PTPN5: variants seen among roughly 807,000 people sequenced by gnomAD.
PTPN5 encodes tyrosine-protein phosphatase non-receptor type 5.
Under a neutral mutation model 73.9 loss-of-function variants are expected in PTPN5, and 29 were observed. The observed-to-expected ratio is 0.39, with a 90% CI of 0.29 to 0.54. The LOEUF (loss-of-function observed/expected upper bound fraction) is 0.54. Among genes scored for constraint, PTPN5 ranks in the 20% least tolerant of loss-of-function variants. PTPN5 has a pLI of 0.65. For missense variants in PTPN5, 652 were observed against 751.4 expected (o/e 0.87, Z 1.55); for synonymous variants, 267 against 304.7 (o/e 0.88, Z 1.29).
chr11:18,779,428 G>A lies in PTPN5; in HGVS notation c.-113-7357C>T, dbSNP rs368334878. On this transcript the variant is annotated intron_variant, in intron 1 of 14. Transcript: ENST00000358540. The stretch of plus-strand genomic sequence containing the variant: ...GGACCAAGAGTCAAGGTTGAAAGGA[G>A]CCTGACCTCTTGAATTCAAATTTAA... Among the ~76,000 whole-genome samples the A allele has an allele frequency of 3.3e-5, 5 of 152,134 alleles. 2 individuals carry two copies. Among genetic ancestry groups the A allele is most frequent in the African/African-American group, 1.2e-4 (5 of 41,538 alleles).
intron 1 of PTPN5, among the ~76,000 whole-genome samples, chr11:18,781,302 C>A (rs1202222148): frequency 1.7e-5 from 2 of 121,196 alleles, no homozygotes; most frequent in African/African-American, 6.1e-5. Context: ...AGCCAGAGAT[C>A]AGACTGTCTT....
chr11:18,748,593 A>AT (rs1309411848), intron 3 of PTPN5, among the ~76,000 whole-genome samples: 25 of 151,350 alleles, frequency 1.7e-4, no homozygotes, highest in African/African-American at 6.1e-4. Flanking sequence ...TCTGCACATA[A>AT]TTTTTGGGGA....
intron 2 of PTPN5, among the ~76,000 whole-genome samples, chr11:18,770,952 G>T (rs531502287): frequency 4.7e-4 from 72 of 152,050 alleles, no homozygotes; most frequent in Non-Finnish European, 9.0e-4. Context: ...GGGGATGGGG[G>T]GTGCTATTAG....
At chr11:18,765,187 A>G (rs1850586567) in intron 3 of PTPN5, among the ~76,000 whole-genome samples, 2 of 150,192 alleles carry the variant, frequency 1.3e-5, no homozygotes, top group Admixed American at 1.3e-4. Flanking sequence ...AAAATGTAAA[A>G]CTCTCCCCCC....
At chr11:18,750,108 G>A (rs144411433) in intron 3 of PTPN5, among the ~76,000 whole-genome samples, 41 of 152,278 alleles carry the variant, frequency 2.7e-4, no homozygotes, top group African/African-American at 9.6e-4. Context: ...GAGCGGAAGT[G>A]GCTTGCCCCA....
In PTPN5 at chr11:18,771,929, G is replaced by A. The variant is rs199800733; in HGVS notation, c.20+10C>T. ...CGGGTTGCAGGGGGACGGCGTAAAC[G>A]CTCACTCACCTGGCTCCCTCATAAT... On this transcript the variant is annotated intron_variant, in intron 2 of 14. Coordinates refer to ENST00000358540, the MANE Select transcript of PTPN5 (RefSeq NM_006906.2). 5.2e-4 allele frequency: 825 copies of A among 1,594,760 alleles called. No individual in the cohort carries two copies. Among genetic ancestry groups the A allele is most frequent in the Admixed American group, 9.7e-4 (55 of 56,554 alleles).
At chr11:18,746,192 T>TATATATATATATATATACATAC (rs550537453) in intron 3 of PTPN5, among the ~76,000 whole-genome samples, 1 of 102,820 alleles carries the variant, frequency 9.7e-6, no homozygotes, top group Non-Finnish European at 2.1e-5. Flanking sequence ...TATATATATA[T>TATATATATATATATATACATAC]ACATTTTTTT....
At chr11:18,777,265 C>G (rs1851203590) in intron 1 of PTPN5, among the ~76,000 whole-genome samples, 1 of 152,224 alleles carries the variant, frequency 6.6e-6, no homozygotes, top group Non-Finnish European at 1.5e-5. Context: ...GCTGCCTGAT[C>G]TTGGGCAAGA....
intron 3 of PTPN5, among the ~76,000 whole-genome samples, chr11:18,761,254 CCTACTGCTGCTTTAT>C (rs1850376042): frequency 6.6e-6 from 1 of 152,194 alleles, no homozygotes; most frequent in African/African-American, 2.4e-5. Context: ...CCCACTGGCA[CCTACTGCTGCTTTAT>C]CTACCTCCTT....
intron 1 of PTPN5, among the ~76,000 whole-genome samples, chr11:18,790,337 G>A (rs1270956091): frequency 5.9e-5 from 9 of 152,118 alleles, no homozygotes; most frequent in African/African-American, 1.9e-4. Context: ...TGGCCCTCAA[G>A]CGGGAGGGAA....
chr11:18,755,626 T>C (rs1850096310), intron 3 of PTPN5, among the ~76,000 whole-genome samples: 1 of 152,054 alleles, frequency 6.6e-6, no homozygotes, highest in South Asian at 2.1e-4. Flanking sequence ...AGAGGACTGA[T>C]GCACAATTCC....
intron 1 of PTPN5, among the ~76,000 whole-genome samples, chr11:18,781,351 CCT>C (rs1326329643): frequency 1.2e-5 from 1 of 81,316 alleles, no homozygotes; most frequent in African/African-American, 4.7e-5. Context: ...ATGGAGTCTT[CCT>C]CTGTCACCCA....
At chr11:18,736,296 T>G (rs1191120921) in intron 9 of PTPN5, among the ~76,000 whole-genome samples, 1 of 152,136 alleles carries the variant, frequency 6.6e-6, no homozygotes, top group Admixed American at 6.6e-5. Flanking sequence ...ACAGTCCAAA[T>G]AGGTGCAGAA....
chr11:18,743,912 C>T (rs910692397), intron 4 of PTPN5, 94 bp downstream of exon 4: 2 of 1,433,134 alleles, frequency 1.4e-6, no homozygotes, highest in Non-Finnish European at 1.9e-6. Flanking sequence ...CCTTATCCTC[C>T]TGCCTTCCAG....
rs149400093 is a variant in PTPN5, at chr11:18,770,787, C to T, written c.20+1152G>A. 1.1e-3 allele frequency among the ~76,000 whole-genome samples: 161 copies of T among 152,354 alleles called. 1 individual carries two copies. Among genetic ancestry groups the T allele is most frequent in the African/African-American group, 3.5e-3 (147 of 41,578 alleles). On this transcript the variant is annotated intron_variant, in intron 2 of 14. Transcript: ENST00000358540. ...GTGAAGGTAATGCGTTGTGCAGCTACGCCACCAGTGCTGGGTGCTGGAGAT... is the reference window on the plus strand; with the variant it reads ...GTGAAGGTAATGCGTTGTGCAGCTATGCCACCAGTGCTGGGTGCTGGAGAT...
In PTPN5 at chr11:18,744,116, G is replaced by C; in HGVS notation, c.181C>G (p.Pro61Ala). The C allele has an allele frequency of 6.2e-7, 1 of 1,611,116 alleles. No individual in the cohort carries two copies. The highest frequency in any genetic ancestry group is 1.3e-5 in the African/African-American group (1 of 74,774). ...GCTGGATCTGAGGGCGGCGAGGGAG[G>C]AGGGGGTGGCGGCATCTCTCTCTGT... The part of the protein sequence containing the change: ...DSQREMPPPP[P>A]PSPPSDPAQK... The change falls in exon 4 of 15, where the codon CCT becomes GCT. Residue 61 changes from proline (P) to alanine (A), a missense_variant. By Grantham distance (27) the Pro-to-Ala change is conservative (BLOSUM62 -1). This residue lies in a region of PTPN5 where 529 missense variants were observed against 573.9 expected (regional missense o/e 0.92). Transcript: ENST00000358540.
At chr11:18,772,289 T>C (rs1163436455) in intron 1 of PTPN5, among the ~76,000 whole-genome samples, 1 of 152,234 alleles carries the variant, frequency 6.6e-6, no homozygotes, top group East Asian at 1.9e-4. Context: ...CTTTTCTGCC[T>C]AAGTTACTCA....
In PTPN5 at chr11:18,728,859, C is replaced by A; in HGVS notation, c.*75G>T. On this transcript the variant is annotated 3_prime_UTR_variant, in exon 15 of 15. Transcript: ENST00000358540. This position sits in a 1 kb window ranked among gnomAD's most constrained non-coding sequence, Gnocchi z 4.1. ...GAGGAAGCGGGGAGCAGGCCCAGGA[C>A]CCGAGGCAGGGCCCTGGGTGAGGGC... 6.8e-7 allele frequency: 1 copy of A among 1,465,590 alleles called. No homozygotes were observed. The highest frequency in any genetic ancestry group is 9.3e-7 in the Non-Finnish European group (1 of 1,073,640). The allele number at this position is 1,465,590 out of a possible 1,614,324, so 90.8% of individuals were successfully genotyped here.
upstream of PTPN5, chr11:18,792,573 C>T (rs1181033636): frequency 6.5e-6 from 1 of 152,674 alleles, no homozygotes; most frequent in Non-Finnish European, 1.5e-5. Context: ...CTGCCACAAT[C>T]TTCCGTATTC....
Sources: allele counts gnomAD v4.1 joint callset (sites outside exome capture counted in the v4.1 genomes callset), GRCh38; gene constraint gnomAD v4.1.1; regional missense constraint gnomAD v4.1.1; non-coding constraint Gnocchi (gnomAD v3.1); transcripts MANE v1.5; gene names NCBI Gene and HGNC (gene_info 2026-07-23, HGNC 2026-07-21).